Variants in ROBO1 observed in about 807,000 individuals in gnomAD.
ROBO1 encodes the protein roundabout guidance receptor 1.
ROBO1 carries 149 observed loss-of-function variants against 195.9 expected under a neutral mutation model. That is an observed-to-expected ratio of 0.76 (90% CI 0.67 to 0.87). ROBO1 has a LOEUF of 0.87. Ranked by LOEUF, ROBO1 falls within the 40% of genes least tolerant of loss-of-function variation. ROBO1 has a pLI of 0.00. For missense variants in ROBO1, 1,933 were observed against 2,068.3 expected (o/e 0.93, Z 1.27); for synonymous variants, 816 against 733.2 (o/e 1.11, Z -1.82).
At chr3:79,406,097 A>T (rs1006054629) in intron 2 of ROBO1, among the ~76,000 whole-genome samples, 1 of 152,086 alleles carries the variant, frequency 6.6e-6, no homozygotes, top group African/African-American at 2.4e-5. Flanking sequence ...TATTTCAAAA[A>T]TTTCTGCAAG....
intron 2 of ROBO1, among the ~76,000 whole-genome samples, chr3:79,252,177 A>C (rs1456982491): frequency 1.3e-5 from 2 of 152,120 alleles, no homozygotes; most frequent in African/African-American, 2.4e-5. Flanking sequence ...TGAAATTATT[A>C]ATATTAAATA....
At chr3:79,402,750 T>C (rs1408786696) in intron 2 of ROBO1, among the ~76,000 whole-genome samples, 1 of 152,016 alleles carries the variant, frequency 6.6e-6, no homozygotes, top group Non-Finnish European at 1.5e-5. Context: ...AGTCTTCATA[T>C]GACAGAATGC....
At chr3:79,104,137 C>T (rs895858652) in intron 3 of ROBO1, among the ~76,000 whole-genome samples, 8 of 151,574 alleles carry the variant, frequency 5.3e-5, no homozygotes, top group East Asian at 1.9e-4. Flanking sequence ...ATGTTGAAGC[C>T]GGGTAAAGTA....
intron 3 of ROBO1, among the ~76,000 whole-genome samples, chr3:78,945,004 T>C (rs571718173): frequency 1.3e-5 from 2 of 152,118 alleles, no homozygotes; most frequent in South Asian, 4.1e-4. Flanking sequence ...TTTGATTAGG[T>C]AGACAAAGCT....
intron 2 of ROBO1, among the ~76,000 whole-genome samples, chr3:79,350,807 G>C (rs561560016): frequency 1.3e-5 from 2 of 152,218 alleles, no homozygotes; most frequent in South Asian, 2.1e-4. Flanking sequence ...AAGGGCAGTA[G>C]CTAAAATTAC....
intron 4 of ROBO1, among the ~76,000 whole-genome samples, chr3:78,809,833 C>G (rs548784757): frequency 2.4e-4 from 36 of 152,066 alleles, no homozygotes; most frequent in African/African-American, 8.4e-4. Flanking sequence ...CACACCGAAG[C>G]CTCTTGAGGG....
At chr3:79,725,006 C>G (rs1702853820) in intron 1 of ROBO1, among the ~76,000 whole-genome samples, 1 of 152,046 alleles carries the variant, frequency 6.6e-6, no homozygotes, top group African/African-American at 2.4e-5. Context: ...ACCTTGTAAG[C>G]TATAGAAAGA....
In ROBO1 at chr3:79,506,671, C is replaced by A. The variant is rs549993676; in HGVS notation, c.88+83153G>T. ...TGTTGGCCAGGATGGTCTCGATCTC[C>A]TGACCTCGTGATCCACCCGCCTTGG... On this transcript the variant is annotated intron_variant, in intron 2 of 30. Transcript: ENST00000464233. Among the ~76,000 whole-genome samples the A allele has an allele frequency of 3.2e-4, 48 of 152,250 alleles. No homozygotes were observed. The East Asian group carries it at 3.3e-3, about 10-fold the overall frequency.
intron 2 of ROBO1, among the ~76,000 whole-genome samples, chr3:79,398,923 G>T (rs1200459981): frequency 6.7e-6 from 1 of 148,434 alleles, no homozygotes; most frequent in Non-Finnish European, 1.5e-5. Flanking sequence ...TAAAAAGTAT[G>T]TTTTTTTTTT....
intron 3 of ROBO1, among the ~76,000 whole-genome samples, chr3:79,003,835 T>C (rs1366334377): frequency 6.6e-6 from 1 of 152,088 alleles, no homozygotes; most frequent in Non-Finnish European, 1.5e-5. Flanking sequence ...TATTCCTAGG[T>C]TAAAAACTAC....
intron 2 of ROBO1, among the ~76,000 whole-genome samples, chr3:79,181,377 G>T (rs1363466501): frequency 6.6e-6 from 1 of 152,156 alleles, no homozygotes; most frequent in Non-Finnish European, 1.5e-5. Flanking sequence ...TGCCAACTCA[G>T]TGAATTAAAA....
At chr3:78,693,205 A>T in intron 8 of ROBO1, 1 of 1,080,326 alleles carries the variant, frequency 9.3e-7, no homozygotes. Context: ...TATTCTGTGC[A>T]GTCTGTCTTT....
At chr3:79,138,874 G>A (rs2080467273) in intron 2 of ROBO1, among the ~76,000 whole-genome samples, 1 of 151,760 alleles carries the variant, frequency 6.6e-6, no homozygotes, top group Non-Finnish European at 1.5e-5. Context: ...TTGAATGAAT[G>A]GAGTGCATTT....
chr3:79,405,497 T>G (rs2037512125), intron 2 of ROBO1, among the ~76,000 whole-genome samples: 1 of 152,202 alleles, frequency 6.6e-6, no homozygotes, highest in Non-Finnish European at 1.5e-5. Flanking sequence ...GTTGTCTGTA[T>G]TACACTGTGA....
At chr3:78,846,091 TA>T (rs1347712974) in intron 4 of ROBO1, among the ~76,000 whole-genome samples, 3 of 152,060 alleles carry the variant, frequency 2.0e-5, no homozygotes, top group Non-Finnish European at 4.4e-5. Context: ...TTCTCGCCAC[TA>T]AACACTAGGG....
chr3:79,562,434 A>C (rs962244265), intron 2 of ROBO1, among the ~76,000 whole-genome samples: 1 of 152,040 alleles, frequency 6.6e-6, no homozygotes, highest in African/African-American at 2.4e-5. Flanking sequence ...AATGCTCATC[A>C]TCACTGGTCA....
intron 2 of ROBO1, among the ~76,000 whole-genome samples, chr3:79,567,564 T>G (rs1054204082): frequency 6.6e-6 from 1 of 152,298 alleles, no homozygotes; most frequent in Non-Finnish European, 1.5e-5. Flanking sequence ...TTCATTTCGT[T>G]TATCATTCAA....
chr3:78,622,531 C>A (rs1704516377), intron 26 of ROBO1, among the ~76,000 whole-genome samples: 2 of 152,192 alleles, frequency 1.3e-5, no homozygotes, highest in South Asian at 4.1e-4. Context: ...AGCTACATAT[C>A]TGGCCATGGC....
At chr3:79,278,814 G>T (rs751307939) in intron 2 of ROBO1, among the ~76,000 whole-genome samples, 2 of 152,020 alleles carry the variant, frequency 1.3e-5, no homozygotes, top group African/African-American at 2.4e-5. Context: ...AAAAGCACAG[G>T]CAACTGAAGC....
Sources: allele counts gnomAD v4.1 joint callset (sites outside exome capture counted in the v4.1 genomes callset), GRCh38; gene constraint gnomAD v4.1.1; transcripts MANE v1.5; gene names NCBI Gene and HGNC (gene_info 2026-07-23, HGNC 2026-07-21).